The following SECISBP2L variants were observed in gnomAD, a reference collection of about 807,000 sequenced individuals.
The protein encoded by SECISBP2L is selenocysteine insertion sequence-binding protein 2-like.
A neutral mutation model predicts 114.7 loss-of-function variants in SECISBP2L; 43 were observed. That is an observed-to-expected ratio of 0.38 (90% CI 0.29 to 0.48). The LOEUF (loss-of-function observed/expected upper bound fraction) is 0.48, where lower values mean the gene tolerates loss of function less well. Ranked by LOEUF, SECISBP2L falls within the 20% of genes least tolerant of loss-of-function variation. SECISBP2L has a pLI of 0.98. For missense variants in SECISBP2L, 1,136 were observed against 1,301.1 expected (o/e 0.87, Z 1.95); for synonymous variants, 451 against 439.7 (o/e 1.03, Z -0.32).
At chr15:49,024,164 T>C (rs1402298871) in intron 7 of SECISBP2L, among the ~76,000 whole-genome samples, 1 of 152,050 alleles carries the variant, frequency 6.6e-6, no homozygotes, top group Admixed American at 6.5e-5. Context: ...TGCAAAAATA[T>C]GATAAACTGA....
intron 14 of SECISBP2L, among the ~76,000 whole-genome samples, chr15:49,006,975 T>G (rs1902336245): frequency 6.6e-6 from 1 of 152,166 alleles, no homozygotes; most frequent in East Asian, 1.9e-4. Flanking sequence ...TCGGTGGGGT[T>G]TTTGTGTGGA....
At chr15:49,027,583 A>T in intron 6 of SECISBP2L, 103 bp from the exon 7 acceptor site, 1 of 585,226 alleles carries the variant, frequency 1.7e-6, no homozygotes. Flanking sequence ...GAAATGTAAT[A>T]GTGAAAATTT....
Position 49,012,748 on chromosome 15 carries a change from C to T in SECISBP2L, c.1631G>A (p.Cys544Tyr). The change falls in exon 12 of 18, where the codon TGT becomes TAT. Residue 544 changes from cysteine to tyrosine, a missense_variant. Physicochemically the swap from Cys to Tyr is radical, Grantham distance 194. This residue lies in a region of SECISBP2L where 684 missense variants were observed against 848.7 expected (regional missense o/e 0.81). Coordinates refer to ENST00000559471, the MANE Select transcript of SECISBP2L (RefSeq NM_001193489.2). ...GTCCACAGAATTAAAGGATGTCAAA[C>T]AGGGCTGACTTTTGGTTAAAGGTTT... ...NRKPLTKSQP[C>Y]LTSFNSVDIA... 1 of 1,604,516 alleles carries T rather than the reference C, an allele frequency of 6.2e-7. No individual in the cohort carries two copies. The highest frequency in any genetic ancestry group is 2.3e-5 in the East Asian group (1 of 43,958).
chr15:49,041,527 T>C (rs1460682861), intron 1 of SECISBP2L, among the ~76,000 whole-genome samples: 1 of 152,198 alleles, frequency 6.6e-6, no homozygotes. Flanking sequence ...CTGGACTGGG[T>C]TAGGGAAAAT....
chr15:49,017,047 T>A (rs370518550), intron 9 of SECISBP2L, 32 bp from the exon 10 acceptor site: 42 of 1,602,196 alleles, frequency 2.6e-5, no homozygotes, highest in Non-Finnish European at 3.5e-5. Context: ...CATTTGTTAG[T>A]GATCCCATAA....
At chr15:49,041,200 C>T (rs1595798355) in intron 1 of SECISBP2L, among the ~76,000 whole-genome samples, 1 of 152,146 alleles carries the variant, frequency 6.6e-6, no homozygotes, top group African/African-American at 2.4e-5. Flanking sequence ...CAACCATCTA[C>T]ATAGCAAAAC....
At chr15:49,023,396 T>C (rs1179155857) in intron 7 of SECISBP2L, among the ~76,000 whole-genome samples, 1 of 152,220 alleles carries the variant, frequency 6.6e-6, no homozygotes, top group Non-Finnish European at 1.5e-5. Flanking sequence ...CTAACTGGCA[T>C]ACACCCCAAA....
rs1402986123 is a variant in SECISBP2L at position 49,008,769 on chromosome 15, A to G, written c.2027+447T>C. 2.6e-5 allele frequency among the ~76,000 whole-genome samples: 4 copies of G among 152,206 alleles called. No individual in the cohort carries two copies. In the East Asian group the frequency reaches 5.8e-4, roughly 22 times the overall value. On this transcript the variant is annotated intron_variant, in intron 14 of 17. Transcript: ENST00000559471. ...TTCTGTGATCCCCCCAGTTATCTCA[A>G]TTTAAGAACTTAGAAATACTTGCAC...
At chr15:49,008,003 T>C (rs1902358002) in intron 14 of SECISBP2L, among the ~76,000 whole-genome samples, 1 of 152,120 alleles carries the variant, frequency 6.6e-6, no homozygotes, top group Non-Finnish European at 1.5e-5. Context: ...ACACAGAAAG[T>C]CAGAAGCGTG....
intron 1 of SECISBP2L, among the ~76,000 whole-genome samples, chr15:49,043,738 T>C (rs1321636536): frequency 2.0e-5 from 3 of 151,866 alleles, no homozygotes; most frequent in Non-Finnish European, 4.4e-5. Flanking sequence ...CTATAAAAAG[T>C]GCTGAAAGAG....
chr15:49,040,318 AGAG>A (rs1415573159), intron 1 of SECISBP2L, among the ~76,000 whole-genome samples: 1 of 151,718 alleles, frequency 6.6e-6, no homozygotes, highest in African/African-American at 2.4e-5. Flanking sequence ...CACACACAAA[AGAG>A]AGAGAGAGAA....
chr15:49,035,322 C>G lies in SECISBP2L; in HGVS notation c.528+12G>C. 9.9e-6 allele frequency: 16 copies of G among 1,609,482 alleles called. No individual in the cohort carries two copies. Among genetic ancestry groups the G allele is most frequent in the Non-Finnish European group, 1.4e-5 (16 of 1,177,158 alleles). The stretch of plus-strand genomic sequence containing the variant: ...TATCAAATTTAAAAGCCAATCAAGA[C>G]CAGACACTTACTTTTGGGACCACTG... On this transcript the variant is annotated intron_variant, in intron 3 of 17. Coordinates refer to ENST00000559471, the MANE Select transcript of SECISBP2L (RefSeq NM_001193489.2).
chr15:48,989,115 T>A lies in SECISBP2L; in HGVS notation c.*3129A>T, dbSNP rs1901918065. 7.2e-6 allele frequency: 1 copy of A among 138,874 alleles called. No homozygotes were observed. Among genetic ancestry groups the A allele is most frequent in the African/African-American group, 2.5e-5 (1 of 39,296 alleles). The allele number at this position is 138,874 out of a possible 1,614,324, so 8.6% of individuals were successfully genotyped here. A position where few individuals can be genotyped will look rare whatever the true frequency, so the allele number is the denominator to read the frequency against. Reference sequence around the variant, plus strand: ...ACCTGTTGGCCCAACATACAGAAAATACATGACAAGGGTGTTTTTTTTTTT... The same window carrying A: ...ACCTGTTGGCCCAACATACAGAAAAAACATGACAAGGGTGTTTTTTTTTTT... On this transcript the variant is annotated 3_prime_UTR_variant, in exon 18 of 18. Transcript: ENST00000559471.
chr15:49,021,846 A>G (rs554205539), intron 7 of SECISBP2L, among the ~76,000 whole-genome samples: 3 of 152,330 alleles, frequency 2.0e-5, no homozygotes, highest in Non-Finnish European at 4.4e-5. Flanking sequence ...GAATGAATCA[A>G]TAACCTCAGG....
chr15:49,003,007 G>A (rs986495819), intron 14 of SECISBP2L, among the ~76,000 whole-genome samples: 19 of 152,166 alleles, frequency 1.2e-4, no homozygotes, highest in Non-Finnish European at 2.4e-4. Flanking sequence ...GTAGCTTGAT[G>A]GGGATAGCAC....
intron 11 of SECISBP2L, among the ~76,000 whole-genome samples, chr15:49,015,855 T>C (rs1385916695): frequency 6.6e-6 from 1 of 152,174 alleles, no homozygotes; most frequent in African/African-American, 2.4e-5. Flanking sequence ...TGAGTCAAAA[T>C]GCATATCAAC....
chr15:48,990,115 C>G lies in SECISBP2L; in HGVS notation c.*2129G>C, dbSNP rs993668082. ...AGCAAAACTAAAAGTTACCAGTGTT[C>G]TGAAGATTTCCTCAACTTCTCTTTT... On this transcript the variant is annotated 3_prime_UTR_variant, in exon 18 of 18. Transcript: ENST00000559471. 4 of 152,604 alleles carry G rather than the reference C, an allele frequency of 2.6e-5. No homozygotes were observed. The highest frequency in any genetic ancestry group is 6.5e-5 in the Admixed American group (1 of 15,272). The allele number at this position is 152,604 out of a possible 1,614,324, so 9.5% of individuals were successfully genotyped here.
Position 48,992,616 on chromosome 15 carries a change from G to A in SECISBP2L, c.2934C>T (p.Ser978=), listed in dbSNP as rs370743392. 1 of 1,614,016 alleles carries A rather than the reference G, an allele frequency of 6.2e-7. No homozygotes were observed. The highest frequency in any genetic ancestry group is 1.3e-5 in the African/African-American group (1 of 74,902). Residue 978 remains serine (S), a synonymous_variant, in exon 18 of 18, where the codon AGC becomes AGT. Coordinates refer to ENST00000559471, the MANE Select transcript of SECISBP2L (RefSeq NM_001193489.2). ...TGCCAGGTACAAGAGTGCTGGTGGT[G>A]CTGGTGATGGAGGAATTCAAAAGAT... ...CRDLLNSSIT[S]TTSTLVPGML... is the part of the protein sequence containing the mutation.
intron 16 of SECISBP2L, among the ~76,000 whole-genome samples, chr15:48,998,748 GCT>G (rs566750116): frequency 9.6e-4 from 146 of 152,202 alleles, no homozygotes; most frequent in African/African-American, 3.4e-3. Context: ...AATATACCAA[GCT>G]GGTCTGGAAC....
Sources: gnomAD v4.1 joint callset for allele counts (sites outside exome capture counted in the v4.1 genomes callset) on GRCh38, gnomAD v4.1.1 for gene constraint, gnomAD v4.1.1 regional missense constraint, MANE v1.5 for transcripts, NCBI Gene and HGNC (gene_info 2026-07-23, HGNC 2026-07-21) for gene names.